PRLR: variants seen among roughly 807,000 people sequenced by gnomAD.
PRLR encodes the protein prolactin receptor.
PRLR carries 13 observed loss-of-function variants against 40.2 expected under a neutral mutation model. The observed-to-expected ratio is 0.32, with a 90% CI of 0.21 to 0.51. The LOEUF (loss-of-function observed/expected upper bound fraction) is 0.51, where lower values mean the gene tolerates loss of function less well. Ranked by LOEUF, PRLR falls within the 20% of genes least tolerant of loss-of-function variation. The pLI is 0.97. For missense variants in PRLR, 656 were observed against 747.3 expected (o/e 0.88, Z 1.42); for synonymous variants, 269 against 278.7 (o/e 0.97, Z 0.35).
At chr5:35,181,245 G>A (rs1775288694) in intron 1 of PRLR, among the ~76,000 whole-genome samples, 1 of 152,096 alleles carries the variant, frequency 6.6e-6, no homozygotes, top group Admixed American at 6.5e-5. Context: ...ATCTCATTAG[G>A]GGTTAAAACT....
At chr5:35,071,971 C>T (rs1402191554) in intron 6 of PRLR, among the ~76,000 whole-genome samples, 1 of 151,636 alleles carries the variant, frequency 6.6e-6, no homozygotes, top group East Asian at 1.9e-4. Context: ...TTTCAGCTCA[C>T]TGAAACCTCC....
intron 1 of PRLR, among the ~76,000 whole-genome samples, chr5:35,214,384 T>C (rs1407784141): frequency 2.0e-5 from 3 of 152,226 alleles, no homozygotes; most frequent in Admixed American, 6.5e-5. Flanking sequence ...CATCATTCCA[T>C]TGCCTTTCCT....
chr5:35,079,984 T>C (rs543678999), intron 5 of PRLR, among the ~76,000 whole-genome samples: 3 of 152,332 alleles, frequency 2.0e-5, no homozygotes, highest in African/African-American at 7.2e-5. Context: ...TGGCTAGCCA[T>C]ATGTAGAAAG....
intron 1 of PRLR, among the ~76,000 whole-genome samples, chr5:35,129,030 T>C (rs1005918814): frequency 6.6e-6 from 1 of 152,220 alleles, no homozygotes; most frequent in Non-Finnish European, 1.5e-5. Context: ...CTTCTGCCTC[T>C]GTGGGTCTTC....
intron 1 of PRLR, among the ~76,000 whole-genome samples, chr5:35,171,499 A>G (rs1474354988): frequency 1.3e-5 from 2 of 152,090 alleles, no homozygotes; most frequent in Non-Finnish European, 2.9e-5. Flanking sequence ...CTGTTTAGCA[A>G]CTGGGCTGTT....
intron 2 of PRLR, among the ~76,000 whole-genome samples, chr5:35,110,067 G>A (rs1772555658): frequency 6.6e-6 from 1 of 152,156 alleles, no homozygotes; most frequent in Non-Finnish European, 1.5e-5. Context: ...GTCCTTTGTA[G>A]GGACATGGAT....
chr5:35,226,047 G>C (rs1776541238), intron 1 of PRLR, among the ~76,000 whole-genome samples: 1 of 152,226 alleles, frequency 6.6e-6, no homozygotes, highest in South Asian at 2.1e-4. Flanking sequence ...TACATTTACA[G>C]TACATCTCAA....
intron 1 of PRLR, among the ~76,000 whole-genome samples, chr5:35,141,536 G>A (rs1340532990): frequency 1.3e-5 from 2 of 152,134 alleles, no homozygotes; most frequent in Non-Finnish European, 2.9e-5. Flanking sequence ...GGCAAAATGA[G>A]GAAAGATTGG....
At chr5:35,187,195 G>A (rs2111995428) in intron 1 of PRLR, among the ~76,000 whole-genome samples, 1 of 152,270 alleles carries the variant, frequency 6.6e-6, no homozygotes, top group South Asian at 2.1e-4. Flanking sequence ...GAGGTCAGGA[G>A]TTTGAGACCA....
chr5:35,211,604 G>A (rs1037084035), intron 1 of PRLR, among the ~76,000 whole-genome samples: 5 of 152,086 alleles, frequency 3.3e-5, no homozygotes, highest in South Asian at 2.1e-4. Context: ...TACAAAAGGG[G>A]GAGAGGATCT....
intron 1 of PRLR, among the ~76,000 whole-genome samples, chr5:35,162,413 T>A (rs2111910154): frequency 6.6e-6 from 1 of 152,326 alleles, no homozygotes; most frequent in Non-Finnish European, 1.5e-5. Flanking sequence ...TAGGGTGTAT[T>A]TTGTATACTT....
intron 1 of PRLR, among the ~76,000 whole-genome samples, chr5:35,215,121 GAA>G (rs1010621637): frequency 6.6e-6 from 1 of 152,066 alleles, no homozygotes; most frequent in Admixed American, 6.5e-5. Context: ...CTGGCTCCCT[GAA>G]AAAAAGTCAT....
intron 1 of PRLR, among the ~76,000 whole-genome samples, chr5:35,138,037 G>C (rs1773911492): frequency 6.6e-6 from 1 of 152,188 alleles, no homozygotes; most frequent in Admixed American, 6.5e-5. Flanking sequence ...CTTAAAGAGA[G>C]TATAGTTTGG....
At chr5:35,179,452 G>A (rs1775233588) in intron 1 of PRLR, among the ~76,000 whole-genome samples, 1 of 152,158 alleles carries the variant, frequency 6.6e-6, no homozygotes, top group Non-Finnish European at 1.5e-5. Flanking sequence ...GGTAATAGAT[G>A]CGACATGGGC....
chr5:35,081,932 G>C, intron 5 of PRLR: 1 of 204,452 alleles, frequency 4.9e-6, no homozygotes, highest in Admixed American at 4.6e-5. Flanking sequence ...CCCATTTCCT[G>C]GTATGACAGT....
intron 1 of PRLR, among the ~76,000 whole-genome samples, chr5:35,185,574 G>A (rs537788735): frequency 2.0e-5 from 3 of 152,110 alleles, no homozygotes; most frequent in African/African-American, 7.2e-5. Flanking sequence ...CCATGGCAAC[G>A]TACTTCTAAA....
chr5:35,193,031 C>T (rs1049410667), intron 1 of PRLR, among the ~76,000 whole-genome samples: 2 of 152,174 alleles, frequency 1.3e-5, no homozygotes, highest in Non-Finnish European at 2.9e-5. Flanking sequence ...GAGCCTGGCA[C>T]ATTAGGAGCA....
At chr5:35,182,914 G>C (rs1055231685) in intron 1 of PRLR, among the ~76,000 whole-genome samples, 1 of 152,198 alleles carries the variant, frequency 6.6e-6, no homozygotes, top group African/African-American at 2.4e-5. Flanking sequence ...ATATGAAACA[G>C]TTAATGTGGG....
At chr5:35,212,621 C>G (rs1776199035) in intron 1 of PRLR, among the ~76,000 whole-genome samples, 1 of 152,138 alleles carries the variant, frequency 6.6e-6, no homozygotes, top group Admixed American at 6.5e-5. Context: ...TATAACATGA[C>G]TTTGGTAATC....
Sources: allele counts gnomAD v4.1 joint callset (sites outside exome capture counted in the v4.1 genomes callset), GRCh38; gene constraint gnomAD v4.1.1; transcripts MANE v1.5; gene names NCBI Gene and HGNC (gene_info 2026-07-23, HGNC 2026-07-21).